The following EEFSEC variants were observed in gnomAD, a reference collection of about 807,000 sequenced individuals.
EEFSEC encodes the protein selenocysteine-specific elongation factor.
In EEFSEC, 43 loss-of-function variants were observed where a neutral mutation model predicts 42.1. The ratio of observed to expected loss-of-function variants is 1.02; its 90% CI spans 0.80 to 1.32. EEFSEC has a LOEUF of 1.32. Ranked by LOEUF, EEFSEC falls within the 40% of genes most tolerant of loss-of-function variation. The pLI is 0.00. For missense variants in EEFSEC, 745 were observed against 803.6 expected, an observed-to-expected ratio of 0.93 and a Z score of 0.88; for synonymous variants, 354 against 339.1, an observed-to-expected ratio of 1.04 and a Z score of -0.48.
At position 128,241,822 on chromosome 3, in the gene EEFSEC, C is replaced by T. The variant is rs2066074424; in HGVS notation, c.317-5014C>T. On this transcript the variant is annotated intron_variant, in intron 1 of 6. Transcript: ENST00000254730. ...TCTAAATTGTTTACATATCTGATCT[C>T]ATTGAATCTTCAGTGCAATCCAATA... is the stretch of plus-strand genomic sequence containing the variant. Among the ~76,000 whole-genome samples, 3 of 152,176 alleles carry T rather than the reference C, an allele frequency of 2.0e-5. No homozygotes were observed. The South Asian group carries it at 6.2e-4, about 32-fold the overall frequency.
At chr3:128,422,653 A>G in the EEFSEC span, among the ~76,000 whole-genome samples, 1 of 152,202 alleles carries the variant, frequency 6.6e-6, no homozygotes, top group Non-Finnish European at 1.5e-5. Context: ...CAATCATTGG[A>G]CCAAAGTTTC....
intron 6 of EEFSEC, among the ~76,000 whole-genome samples, chr3:128,375,819 T>TA (rs2067703725): frequency 1.3e-5 from 2 of 152,242 alleles, no homozygotes; most frequent in African/African-American, 4.8e-5. Flanking sequence ...TTTGCTGTGT[T>TA]AGTCTGTGGC....
chr3:128,300,680 C>T (rs551201958), intron 4 of EEFSEC, among the ~76,000 whole-genome samples: 1 of 152,164 alleles, frequency 6.6e-6, no homozygotes, highest in South Asian at 2.1e-4. Context: ...TTTGGTACCA[C>T]TAATTTAGTA....
At chr3:128,281,622 G>A (rs2066526509) in intron 4 of EEFSEC, among the ~76,000 whole-genome samples, 5 of 152,096 alleles carry the variant, frequency 3.3e-5, no homozygotes. Flanking sequence ...ACCAGGATGG[G>A]GTTTGGCTGG....
chr3:128,338,848 A>C (rs1483748592), intron 4 of EEFSEC, among the ~76,000 whole-genome samples: 1 of 152,192 alleles, frequency 6.6e-6, no homozygotes, highest in Non-Finnish European at 1.5e-5. Context: ...GAGTCCCCAT[A>C]GAATTCCAGC....
chr3:128,301,420 A>C (rs979447785), intron 4 of EEFSEC, among the ~76,000 whole-genome samples: 31 of 152,198 alleles, frequency 2.0e-4, no homozygotes, highest in Non-Finnish European at 4.6e-4. Context: ...GGGGCTCTGC[A>C]CATGGGCGGG....
chr3:128,233,652 T>C (rs892839688), intron 1 of EEFSEC, among the ~76,000 whole-genome samples: 6 of 152,202 alleles, frequency 3.9e-5, no homozygotes, highest in African/African-American at 1.4e-4. Context: ...ATTAGATAGG[T>C]CCCTACCTCT....
chr3:128,165,030 A>G (rs2065230299), intron 1 of EEFSEC, among the ~76,000 whole-genome samples: 1 of 152,220 alleles, frequency 6.6e-6, no homozygotes. Flanking sequence ...AGTGCTGAGC[A>G]GTGGCCAAGG....
chr3:128,242,906 CAG>C (rs533577357), intron 1 of EEFSEC, among the ~76,000 whole-genome samples: 11 of 152,304 alleles, frequency 7.2e-5, no homozygotes, highest in African/African-American at 2.6e-4. Context: ...CCTCTAGTCT[CAG>C]AGCGATTTTC....
At chr3:128,373,729 A>G (rs1377078642) in intron 6 of EEFSEC, among the ~76,000 whole-genome samples, 1 of 152,134 alleles carries the variant, frequency 6.6e-6, no homozygotes, top group African/African-American at 2.4e-5. Flanking sequence ...GGCTCTATTC[A>G]TCCAGTCTCC....
intron 6 of EEFSEC, among the ~76,000 whole-genome samples, chr3:128,405,860 C>A (rs1325830259): frequency 6.6e-6 from 1 of 152,222 alleles, no homozygotes; most frequent in Non-Finnish European, 1.5e-5. Flanking sequence ...CTGTACAGGC[C>A]CTTTGTGCAC....
chr3:128,367,651 G>A, intron 6 of EEFSEC: 12 of 985,420 alleles, frequency 1.2e-5, no homozygotes, highest in Non-Finnish European at 1.2e-5. Flanking sequence ...GCCGATTATG[G>A]ACTTATGTCC....
chr3:128,377,163 G>A (rs898842916), intron 6 of EEFSEC, among the ~76,000 whole-genome samples: 7 of 152,106 alleles, frequency 4.6e-5, no homozygotes, highest in African/African-American at 7.2e-5. Flanking sequence ...AGTTTCTTCC[G>A]TCTTTTCTCT....
chr3:128,185,843 T>C (rs2065459490), intron 1 of EEFSEC, among the ~76,000 whole-genome samples: 1 of 152,250 alleles, frequency 6.6e-6, no homozygotes, highest in Non-Finnish European at 1.5e-5. Flanking sequence ...CATTCATTAG[T>C]TGATAGGCAT....
At chr3:128,183,700 G>T (rs1049342271) in intron 1 of EEFSEC, among the ~76,000 whole-genome samples, 13 of 152,186 alleles carry the variant, frequency 8.5e-5, no homozygotes, top group Admixed American at 8.5e-4. Context: ...CTAACTGCCT[G>T]GTGGATAGCG....
chr3:128,167,029 C>G (rs941564075), intron 1 of EEFSEC, among the ~76,000 whole-genome samples: 2 of 152,154 alleles, frequency 1.3e-5, no homozygotes, highest in African/African-American at 4.8e-5. Flanking sequence ...GAGGCCCCTC[C>G]TGAGGGGTTG....
In EEFSEC at chr3:128,220,021, G is replaced by T. The variant is rs149892399; in HGVS notation, c.317-26815G>T. Among the ~76,000 whole-genome samples the T allele has an allele frequency of 3.5e-3, 534 of 152,234 alleles. 1 individual carries two copies. The highest frequency in any genetic ancestry group is 0.012 in the African/African-American group (495 of 41,540). On this transcript the variant is annotated intron_variant, in intron 1 of 6. Coordinates refer to ENST00000254730, the MANE Select transcript of EEFSEC (RefSeq NM_021937.5). ...ATTTGCGGTGGCAGCTCTGTTCTCT[G>T]CACTTTAATACAGTAACAGATATTT...
At chr3:128,410,821 G>T (rs1048653450), downstream of EEFSEC, among the ~76,000 whole-genome samples, 1 of 152,146 alleles carries the variant, frequency 6.6e-6, no homozygotes, top group African/African-American at 2.4e-5. Flanking sequence ...CAGGAACTCT[G>T]TGCAGGCGTC....
intron 4 of EEFSEC, among the ~76,000 whole-genome samples, chr3:128,281,485 T>TAA (rs1277225178): frequency 6.6e-6 from 1 of 151,992 alleles, no homozygotes; most frequent in Non-Finnish European, 1.5e-5. Context: ...GTAGCATGGG[T>TAA]AAGTTGGGGA....
Sources: allele counts gnomAD v4.1 joint callset (sites outside exome capture counted in the v4.1 genomes callset), GRCh38; gene constraint gnomAD v4.1.1; transcripts MANE v1.5; gene names NCBI Gene and HGNC (gene_info 2026-07-23, HGNC 2026-07-21).